The following TNIP3 variants were observed in gnomAD, a reference collection of about 807,000 sequenced individuals.
The protein encoded by TNIP3 is TNFAIP3-interacting protein 3.
In TNIP3, 34 loss-of-function variants were observed where a neutral mutation model predicts 54.1. That is an observed-to-expected ratio of 0.63 (90% CI 0.48 to 0.84). The LOEUF (loss-of-function observed/expected upper bound fraction) is 0.84. TNIP3 is among the 40% of genes least tolerant of loss of function. The probability of loss-of-function intolerance (pLI) is 0.00; values close to 1 mark genes in which losing one functional copy is unlikely to be tolerated. For missense variants in TNIP3, 366 were observed against 387.6 expected, an observed-to-expected ratio of 0.94 and a Z score of 0.47; for synonymous variants, 134 against 136.8, an observed-to-expected ratio of 0.98 and a Z score of 0.14.
chr4:121,147,699 A>T (rs945373092), intron 6 of TNIP3, among the ~76,000 whole-genome samples: 5 of 152,216 alleles, frequency 3.3e-5, no homozygotes, highest in African/African-American at 1.2e-4. Flanking sequence ...AGGTTAGCAG[A>T]CTGGTATATA....
At chr4:121,224,851 A>G (rs1727191664) in intron 1 of TNIP3, among the ~76,000 whole-genome samples, 1 of 152,150 alleles carries the variant, frequency 6.6e-6, no homozygotes, top group Non-Finnish European at 1.5e-5. Flanking sequence ...CTAAGTAAAG[A>G]GTTTGGGGGA....
At chr4:121,155,801 A>G (rs1730049181) in intron 4 of TNIP3, among the ~76,000 whole-genome samples, 2 of 152,246 alleles carry the variant, frequency 1.3e-5, no homozygotes, top group African/African-American at 4.8e-5. Flanking sequence ...ATATGTGTTA[A>G]AGTGTGTTAT....
chr4:121,135,839 T>C (rs1353353919), intron 10 of TNIP3, among the ~76,000 whole-genome samples: 1 of 152,248 alleles, frequency 6.6e-6, no homozygotes, highest in Non-Finnish European at 1.5e-5. Flanking sequence ...TGAAATTAAA[T>C]AATGACACAT....
chr4:121,200,817 G>A (rs577127079), intron 2 of TNIP3, among the ~76,000 whole-genome samples: 63 of 152,086 alleles, frequency 4.1e-4, no homozygotes, highest in Non-Finnish European at 6.3e-4. Flanking sequence ...CAGCTCAGCT[G>A]GCCATTTCAA....
At chr4:121,171,920 A>C (rs1379346495) in intron 3 of TNIP3, among the ~76,000 whole-genome samples, 1 of 151,890 alleles carries the variant, frequency 6.6e-6, no homozygotes. Context: ...TTTAGTAGAG[A>C]TGGGGTTTCA....
At chr4:121,205,625 T>C (rs1285750434) in intron 2 of TNIP3, among the ~76,000 whole-genome samples, 5 of 151,944 alleles carry the variant, frequency 3.3e-5, no homozygotes, top group Non-Finnish European at 7.4e-5. Flanking sequence ...ATGCTAGTGG[T>C]TTGGACAGAA....
At position 121,131,422 on chromosome 4, in the gene TNIP3, A is replaced by G. The variant is rs2148788845; in HGVS notation, c.*1209T>C. On this transcript the variant is annotated 3_prime_UTR_variant, in exon 11 of 11. Coordinates refer to ENST00000057513, the MANE Select transcript of TNIP3 (RefSeq NM_024873.6). ...TTGCAATAAAATTTCAATAAATTCC[A>G]TTTTCATTTTAATTGGCTTGAGAAG... 1 of 151,840 alleles carries G rather than the reference A, an allele frequency of 6.6e-6. No individual in the cohort carries two copies. Among genetic ancestry groups the G allele is most frequent in the Middle Eastern group, 3.4e-3 (1 of 294 alleles). 9.4% of individuals were successfully genotyped at this position (151,840 alleles called of 1,614,324 possible).
intron 3 of TNIP3, among the ~76,000 whole-genome samples, chr4:121,174,797 G>C (rs932816144): frequency 2.0e-5 from 3 of 152,106 alleles, no homozygotes; most frequent in African/African-American, 7.2e-5. Flanking sequence ...AAAGTAAAAA[G>C]TGTTTTTATT....
intron 4 of TNIP3, among the ~76,000 whole-genome samples, chr4:121,156,758 A>G (rs1730112475): frequency 6.6e-6 from 1 of 152,218 alleles, no homozygotes; most frequent in African/African-American, 2.4e-5. Flanking sequence ...GAATAAAAGC[A>G]AAAGAAAAAA....
intron 4 of TNIP3, 125 bp downstream of exon 4, chr4:121,156,969 T>C: frequency 7.9e-7 from 1 of 1,260,692 alleles, no homozygotes; most frequent in South Asian, 1.3e-5. Context: ...CATGCACCCT[T>C]GCACATCGGT....
upstream of TNIP3, among the ~76,000 whole-genome samples, chr4:121,217,798 A>C (rs1221787246): frequency 2.6e-5 from 4 of 152,214 alleles, no homozygotes; most frequent in Non-Finnish European, 4.4e-5. Flanking sequence ...AAAATGTCTT[A>C]TATTCTTTCA....
At chr4:121,176,857 T>C (rs1275806647) in intron 3 of TNIP3, among the ~76,000 whole-genome samples, 1 of 152,180 alleles carries the variant, frequency 6.6e-6, no homozygotes, top group East Asian at 1.9e-4. Context: ...CTTTTTACCT[T>C]GGGAAGAGTG....
chr4:121,166,014 A>C (rs915149801), upstream of TNIP3, among the ~76,000 whole-genome samples: 2 of 152,216 alleles, frequency 1.3e-5, no homozygotes, highest in African/African-American at 4.8e-5. Flanking sequence ...CTTCAGCTTT[A>C]ACTTTGTATT....
At chr4:121,198,161 T>C (rs985417165) in intron 2 of TNIP3, among the ~76,000 whole-genome samples, 2 of 151,888 alleles carry the variant, frequency 1.3e-5, no homozygotes, top group Non-Finnish European at 2.9e-5. Context: ...TTTTTTTTTT[T>C]AGAAATTACT....
intron 2 of TNIP3, among the ~76,000 whole-genome samples, chr4:121,214,832 A>G (rs897149468): frequency 6.6e-6 from 1 of 152,226 alleles, no homozygotes; most frequent in Non-Finnish European, 1.5e-5. Context: ...TCAAATGTAT[A>G]TAAAACAGAT....
At chr4:121,226,755 A>T (rs1477476794) in intron 1 of TNIP3, among the ~76,000 whole-genome samples, 1 of 152,224 alleles carries the variant, frequency 6.6e-6, no homozygotes, top group Non-Finnish European at 1.5e-5. Context: ...TTCCTAGGGA[A>T]GTTTATTTTG....
chr4:121,142,679 T>C, intron 8 of TNIP3, 47 bp downstream of exon 8: 1 of 1,520,014 alleles, frequency 6.6e-7, no homozygotes, highest in Non-Finnish European at 9.1e-7. Context: ...CAATGAGAAA[T>C]GCTGTACATG....
At chr4:121,150,307 C>T (rs1729672403) in intron 5 of TNIP3, 88 bp from the exon 6 acceptor site, 2 of 743,288 alleles carry the variant, frequency 2.7e-6, no homozygotes, top group Admixed American at 2.4e-5. Flanking sequence ...CTCAAATGCA[C>T]CCACAAATAT....
chr4:121,138,594 A>G, intron 10 of TNIP3, 30 bp downstream of exon 10: 2 of 1,605,130 alleles, frequency 1.2e-6, no homozygotes, highest in Non-Finnish European at 1.7e-6. Context: ...TGTAAACATG[A>G]AAGAATGCTC....
Sources: gnomAD v4.1 joint callset for allele counts (sites outside exome capture counted in the v4.1 genomes callset) on GRCh38, gnomAD v4.1.1 for gene constraint, MANE v1.5 for transcripts, NCBI Gene and HGNC (gene_info 2026-07-23, HGNC 2026-07-21) for gene names.